The following NRXN3 variants were observed in gnomAD, a reference collection of about 807,000 sequenced individuals.
NRXN3 encodes neurexin 3.
A neutral mutation model predicts 137.6 loss-of-function variants in NRXN3; 32 were observed. That is an observed-to-expected ratio of 0.23 (90% CI 0.18 to 0.31). The LOEUF (loss-of-function observed/expected upper bound fraction) is 0.31, where lower values mean the gene tolerates loss of function less well. NRXN3 is among the 10% of genes least tolerant of loss of function. The pLI is 1.00. For missense variants in NRXN3, 1,574 were observed against 2,062.5 expected (o/e 0.76, Z 4.59); for synonymous variants, 798 against 784.5 (o/e 1.02, Z -0.29).
intron 20 of NRXN3, among the ~76,000 whole-genome samples, chr14:79,858,992 A>G (rs1361442433): frequency 1.3e-5 from 2 of 151,840 alleles, no homozygotes; most frequent in South Asian, 4.2e-4. Flanking sequence ...AAAAGAAAAA[A>G]AAAAAAAACA....
intron 15 of NRXN3, among the ~76,000 whole-genome samples, chr14:79,327,689 C>G (rs1048408739): frequency 6.6e-6 from 1 of 152,156 alleles, no homozygotes; most frequent in African/African-American, 2.4e-5. Flanking sequence ...GCATATTATT[C>G]TGTGCTTCTT....
intron 6 of NRXN3, among the ~76,000 whole-genome samples, chr14:78,683,175 G>T (rs1414847154): frequency 6.6e-6 from 1 of 152,108 alleles, no homozygotes; most frequent in Non-Finnish European, 1.5e-5. Context: ...TAAAATTTTG[G>T]ATATATTAGG....
intron 5 of NRXN3, among the ~76,000 whole-genome samples, chr14:78,645,796 C>T (rs1390597983): frequency 6.6e-6 from 1 of 152,194 alleles, no homozygotes; most frequent in South Asian, 2.1e-4. Flanking sequence ...TCTGCAGCTT[C>T]GTAGATTTTC....
In NRXN3 at chr14:79,061,388, C is replaced by T. The variant is rs2099674071; in HGVS notation, c.3262+73247C>T. 2.0e-5 allele frequency among the ~76,000 whole-genome samples: 3 copies of T among 152,018 alleles called. No individual in the cohort carries two copies. The South Asian group carries it at 6.2e-4, about 32-fold the overall frequency. ...GAAGAGATCGTCTGAGAGTTCCTGG[C>T]TAGAGATAGGAAGGAGGGGCAGAGT... On this transcript the variant is annotated intron_variant, in intron 15 of 20. Transcript: ENST00000335750.
intron 8 of NRXN3, among the ~76,000 whole-genome samples, chr14:78,777,597 T>C (rs781017680): frequency 9.2e-5 from 14 of 152,128 alleles, no homozygotes; most frequent in Non-Finnish European, 1.9e-4. Flanking sequence ...TAAACAACAC[T>C]GCCCCTCTAT....
intron 4 of NRXN3, among the ~76,000 whole-genome samples, chr14:78,314,300 T>C (rs1209260520): frequency 6.6e-6 from 1 of 152,214 alleles, no homozygotes; most frequent in East Asian, 1.9e-4. Context: ...TGTATATTAC[T>C]CAGGGCAGGC....
In NRXN3 at chr14:78,960,502, A is replaced by G. The variant is rs536204443; in HGVS notation, c.2395+3141A>G. On this transcript the variant is annotated intron_variant, in intron 11 of 20. Transcript: ENST00000335750. The stretch of plus-strand genomic sequence containing the variant: ...GTCTGGCTCACAAGAAATCAAAAGC[A>G]AGGATAGAAATATTCCTCAACCTTG... Among the ~76,000 whole-genome samples the G allele has an allele frequency of 1.2e-4, 18 of 152,348 alleles. 1 individual carries two copies. In the South Asian group the frequency reaches 2.5e-3, roughly 21 times the overall value.
intron 15 of NRXN3, among the ~76,000 whole-genome samples, chr14:79,114,952 C>T (rs371396557): frequency 3.0e-4 from 46 of 152,136 alleles, no homozygotes; most frequent in African/African-American, 1.0e-3. Flanking sequence ...TTAAATACGA[C>T]ATTACTCTTG....
chr14:79,831,224 C>T (rs998693374), intron 20 of NRXN3, among the ~76,000 whole-genome samples: 18 of 152,208 alleles, frequency 1.2e-4, no homozygotes, highest in Non-Finnish European at 1.8e-4. Context: ...ATAATACTCT[C>T]TCTGAAGCTT....
At chr14:79,653,896 G>T (rs914313926) in intron 16 of NRXN3, among the ~76,000 whole-genome samples, 2 of 152,094 alleles carry the variant, frequency 1.3e-5, no homozygotes, top group African/African-American at 2.4e-5. Context: ...CAGGAAAGCT[G>T]CCTATGGCAA....
At chr14:79,106,693 T>C (rs918659473) in intron 15 of NRXN3, among the ~76,000 whole-genome samples, 60 of 152,228 alleles carry the variant, frequency 3.9e-4, no homozygotes, top group African/African-American at 1.4e-3. Flanking sequence ...TTGGGGACTA[T>C]TATATAAATT....
chr14:79,561,181 C>T (rs555061359), intron 16 of NRXN3, among the ~76,000 whole-genome samples: 19 of 152,188 alleles, frequency 1.2e-4, no homozygotes, highest in African/African-American at 2.6e-4. Context: ...CTGCAAGAGA[C>T]GGATGTTGTC....
chr14:78,822,206 A>G (rs996619339), intron 10 of NRXN3, among the ~76,000 whole-genome samples: 3 of 152,156 alleles, frequency 2.0e-5, no homozygotes, highest in African/African-American at 7.2e-5. Flanking sequence ...AGTCTTTGCT[A>G]TTGCTATATG....
At chr14:79,530,712 GA>G (rs1255475189) in intron 16 of NRXN3, among the ~76,000 whole-genome samples, 1 of 152,040 alleles carries the variant, frequency 6.6e-6, no homozygotes, top group African/African-American at 2.4e-5. Flanking sequence ...GGAAACCAAG[GA>G]GGGGGAAATG....
At chr14:79,067,401 A>AT (rs1486190695) in intron 15 of NRXN3, among the ~76,000 whole-genome samples, 1 of 152,150 alleles carries the variant, frequency 6.6e-6, no homozygotes, top group Non-Finnish European at 1.5e-5. Flanking sequence ...ATCAATATTT[A>AT]TCAAGTATAT....
chr14:78,475,372 T>C (rs1182536314), intron 4 of NRXN3, among the ~76,000 whole-genome samples: 1 of 152,180 alleles, frequency 6.6e-6, no homozygotes, highest in East Asian at 1.9e-4. Context: ...TCATCTGAAG[T>C]GGCCAGGAAT....
Position 79,641,665 on chromosome 14 carries a change from A to G in NRXN3, c.3445-22113A>G, listed in dbSNP as rs896884860. Among the ~76,000 whole-genome samples the G allele has an allele frequency of 1.5e-5, 2 of 135,166 alleles. 1 individual carries two copies. Among genetic ancestry groups the G allele is most frequent in the Non-Finnish European group, 3.4e-5 (2 of 58,166 alleles). The allele number at this position is 135,166 out of a possible 152,430, so 88.7% of individuals were successfully genotyped here. ...TTTCTGGGGCTCAAACTGAAGGGAC[A>G]GTGTCTATCCAGGGCTTAGTCTTTC... On this transcript the variant is annotated intron_variant, in intron 16 of 20. Transcript: ENST00000335750.
chr14:79,043,347 G>A (rs2099628079), intron 15 of NRXN3, among the ~76,000 whole-genome samples: 3 of 152,292 alleles, frequency 2.0e-5, no homozygotes, highest in Admixed American at 1.3e-4. Context: ...AAGCAACCCT[G>A]TAGCGTGAGC....
chr14:78,353,439 C>T (rs1169837782), intron 4 of NRXN3, among the ~76,000 whole-genome samples: 2 of 152,084 alleles, frequency 1.3e-5, no homozygotes, highest in African/African-American at 4.8e-5. Flanking sequence ...TTGCTGTGTC[C>T]TCACATGGTG....
Sources: allele counts gnomAD v4.1 joint callset (sites outside exome capture counted in the v4.1 genomes callset), GRCh38; gene constraint gnomAD v4.1.1; transcripts MANE v1.5; gene names NCBI Gene and HGNC (gene_info 2026-07-23, HGNC 2026-07-21).